Variants in GEMIN5 observed in about 807,000 individuals in gnomAD.
The protein encoded by GEMIN5 is gem nuclear organelle associated protein 5, also known as gem-associated protein 5.
In GEMIN5, 124 loss-of-function variants were observed where a neutral mutation model predicts 176.9. That is an observed-to-expected ratio of 0.70 (90% CI 0.61 to 0.81). The LOEUF (loss-of-function observed/expected upper bound fraction) is 0.81. GEMIN5 is among the 40% of genes least tolerant of loss of function. The pLI is 0.00. For missense variants in GEMIN5, 1,843 were observed against 1,814.6 expected (o/e 1.02, Z -0.28); for synonymous variants, 673 against 665.2 (o/e 1.01, Z -0.18).
In GEMIN5 at chr5:154,898,680, T is replaced by C. The variant is rs774344017; in HGVS notation, c.3135-30A>G. The C allele has an allele frequency of 2.7e-6, 4 of 1,486,902 alleles. No homozygotes were observed. In the African/African-American group the frequency reaches 5.5e-5, roughly 21 times the overall value. The allele number at this position is 1,486,902 out of a possible 1,614,324, so 92.1% of individuals were successfully genotyped here. ...AATATGAATAAAAATGTGAAGAAAA[T>C]GTCACAAACAGATTTTTATTCCCAT... is the stretch of plus-strand genomic sequence containing the variant. On this transcript the variant is annotated intron_variant, in intron 22 of 27. Transcript: ENST00000285873.
intron 15 of GEMIN5, among the ~76,000 whole-genome samples, chr5:154,910,402 C>T (rs543991285): frequency 2.7e-4 from 41 of 152,292 alleles, no homozygotes; most frequent in African/African-American, 8.9e-4. Context: ...CCTCCTGCCT[C>T]GGCATCCCAA....
chr5:154,935,636 A>G (rs1397040362), intron 3 of GEMIN5, among the ~76,000 whole-genome samples: 2 of 152,234 alleles, frequency 1.3e-5, no homozygotes, highest in African/African-American at 4.8e-5. Context: ...AAGAAAGTAC[A>G]GTACCATGGA....
intron 15 of GEMIN5, among the ~76,000 whole-genome samples, chr5:154,908,608 C>T (rs4958393): frequency 0.98 from 149,814 of 152,344 alleles, 73,672 homozygotes; most frequent in African/African-American, 0.99. Context: ...CTTTCATAAT[C>T]TGAAACTTCT....
chr5:154,916,814 A>AT (rs60467186), intron 13 of GEMIN5, among the ~76,000 whole-genome samples, 184 bp downstream of exon 13: 1,565 of 152,254 alleles, frequency 0.01, 33 homozygotes, highest in African/African-American at 0.036. Flanking sequence ...TTCTGTTACC[A>AT]TTTTTGTCAT....
At chr5:154,895,274 G>C (rs1220147073) in intron 24 of GEMIN5, among the ~76,000 whole-genome samples, 4 of 151,146 alleles carry the variant, frequency 2.6e-5, no homozygotes, top group East Asian at 1.9e-4. Flanking sequence ...GGCTGAGGCG[G>C]GAGGATCACT....
At chr5:154,911,191 G>T (rs11167705) in intron 15 of GEMIN5, among the ~76,000 whole-genome samples, 53,195 of 151,938 alleles carry the variant, frequency 0.35, 10,554 homozygotes, top group East Asian at 0.88. Context: ...AGAAGCCATG[G>T]ACATTTTTAG....
rs959066544 is a variant in GEMIN5 at position 154,910,321 on chromosome 5, A to C, written c.2167+1406T>G. 2.0e-4 allele frequency among the ~76,000 whole-genome samples: 30 copies of C among 152,114 alleles called. 2 individuals are homozygous for C. Among genetic ancestry groups the C allele is most frequent in the Admixed American group, 1.6e-3 (24 of 15,272 alleles). On this transcript the variant is annotated intron_variant, in intron 15 of 27. Coordinates refer to ENST00000285873, the MANE Select transcript of GEMIN5 (RefSeq NM_015465.5). ...TATTCTTTCATTTAAAATAAAAAAAAAACTTATTTCACAGAGACAGTGTCC... is the reference window on the plus strand; with the variant it reads ...TATTCTTTCATTTAAAATAAAAAAACAACTTATTTCACAGAGACAGTGTCC...
In GEMIN5 at chr5:154,891,760, A is replaced by G; in HGVS notation, c.3761-18T>C. 1 of 1,559,182 alleles carries G rather than the reference A, an allele frequency of 6.4e-7. No homozygotes were observed. Among genetic ancestry groups the G allele is most frequent in the Non-Finnish European group, 8.6e-7 (1 of 1,160,456 alleles). ...GTCACAGCCTAGGAAAAGAGGAAAA[A>G]GATACTGGGTCATGCATTTCTCTAG... On this transcript the variant is annotated intron_variant, in intron 25 of 27. Transcript: ENST00000285873.
rs1435353410 is a variant in GEMIN5 at position 154,911,874 on chromosome 5, G to A, written c.2020C>T (p.Pro674Ser). 5.6e-6 allele frequency: 9 copies of A among 1,614,014 alleles called. No homozygotes were observed. Among genetic ancestry groups the A allele is most frequent in the Non-Finnish European group, 7.6e-6 (9 of 1,179,962 alleles). Reference protein sequence around the residue: ...AQVWDALREEPLCNFRGHRGR... With the variant: ...AQVWDALREESLCNFRGHRGR... ...CGATGTCCTCGGAAATTGCACAGGG[G>A]CTCTTCCCGGAGAGCATCCCACACC... The change falls in exon 15 of 28, where the codon CCC (proline) becomes TCC (serine). Residue 674 changes from proline (P) to serine (S), a missense_variant. Coordinates refer to ENST00000285873, the MANE Select transcript of GEMIN5 (RefSeq NM_015465.5).
rs531042352 is a variant in GEMIN5 at position 154,935,375 on chromosome 5, G to C, written c.509+466C>G. Among the ~76,000 whole-genome samples the C allele has an allele frequency of 3.3e-5, 5 of 152,314 alleles. No homozygotes were observed. In the South Asian group the frequency reaches 8.3e-4, roughly 25 times the overall value. ...TCTTTCAGTGAGAAGTACATGAAAT[G>C]GTGAAAGAAACGGGGATGTATATTC... is the stretch of plus-strand genomic sequence containing the variant. On this transcript the variant is annotated intron_variant, in intron 3 of 27. Coordinates refer to ENST00000285873, the MANE Select transcript of GEMIN5 (RefSeq NM_015465.5).
At chr5:154,918,112 A>G (rs1763849823) in intron 11 of GEMIN5, 108 bp from the exon 12 acceptor site, 1 of 675,708 alleles carries the variant, frequency 1.5e-6, no homozygotes, top group Non-Finnish European at 2.7e-6. Context: ...TAATTATACA[A>G]CAGCTATTCT....
At chr5:154,901,772 C>T (rs1763469642) in intron 20 of GEMIN5, among the ~76,000 whole-genome samples, 1 of 137,530 alleles carries the variant, frequency 7.3e-6, no homozygotes, top group African/African-American at 2.7e-5. Context: ...CCAAAGGTAA[C>T]ATGACTACGT....
intron 1 of GEMIN5, among the ~76,000 whole-genome samples, chr5:154,937,759 A>G (rs1302713776): frequency 6.6e-6 from 1 of 152,210 alleles, no homozygotes; most frequent in Non-Finnish European, 1.5e-5. Flanking sequence ...CCCACGTGGA[A>G]GCTCCAGGAG....
At chr5:154,918,738 C>T (rs950577127) in intron 11 of GEMIN5, among the ~76,000 whole-genome samples, 1 of 152,080 alleles carries the variant, frequency 6.6e-6, no homozygotes, top group African/African-American at 2.4e-5. Flanking sequence ...AAGTAATGAG[C>T]AATAATATAA....
At position 154,890,121 on chromosome 5, in the gene GEMIN5, T is replaced by C. The variant is rs559676045; in HGVS notation, c.4263-704A>G. On this transcript the variant is annotated intron_variant, in intron 26 of 27. Coordinates refer to ENST00000285873, the MANE Select transcript of GEMIN5 (RefSeq NM_015465.5). Reference sequence around the variant, plus strand: ...GGGTTCCAATGTCTCTGCATCCTCCTCAACACTTGTTCTGTTTCTCTGATA... The same window carrying C: ...GGGTTCCAATGTCTCTGCATCCTCCCCAACACTTGTTCTGTTTCTCTGATA... 2.0e-5 allele frequency among the ~76,000 whole-genome samples: 3 copies of C among 152,330 alleles called. No homozygotes were observed. In the South Asian group the frequency reaches 6.2e-4, roughly 32 times the overall value.
rs371567565 is a variant in GEMIN5 at position 154,907,661 on chromosome 5, A to G, written c.2325T>C (p.Asn775=). 32 of 1,613,992 alleles carry G rather than the reference A, an allele frequency of 2.0e-5. No individual in the cohort carries two copies. The East Asian group carries it at 5.8e-4, about 29-fold the overall frequency. Residue 775 remains asparagine (N), a synonymous_variant, in exon 16 of 28, where the codon AAT becomes AAC. Transcript: ENST00000285873. ...CCTCCCCTTCTTGGTCTGACACACC[A>G]TTCTCAACAGGTCCTGAGTTCTCCT... is the stretch of plus-strand genomic sequence containing the variant. ...SMKENSGPVE[N]GVSDQEGEEQ...
intron 24 of GEMIN5, among the ~76,000 whole-genome samples, chr5:154,894,094 G>A (rs1273648020): frequency 6.6e-6 from 1 of 151,982 alleles, no homozygotes; most frequent in East Asian, 1.9e-4. Flanking sequence ...ACAGGCTTGT[G>A]CTACCACACC....
At chr5:154,927,312 G>A in intron 7 of GEMIN5, 73 bp downstream of exon 7, 2 of 954,420 alleles carry the variant, frequency 2.1e-6, no homozygotes, top group South Asian at 1.5e-5. Flanking sequence ...CAGGTGCTTT[G>A]AAAAAGCCCT....
At chr5:154,901,510 T>C in intron 20 of GEMIN5, 24 bp from the exon 21 acceptor site, 2 of 1,610,722 alleles carry the variant, frequency 1.2e-6, no homozygotes, top group Non-Finnish European at 1.7e-6. Flanking sequence ...AGATGGTGGT[T>C]AAAAAAACAG....
Sources: allele counts gnomAD v4.1 joint callset (sites outside exome capture counted in the v4.1 genomes callset), GRCh38; gene constraint gnomAD v4.1.1; transcripts MANE v1.5; gene names NCBI Gene and HGNC (gene_info 2026-07-23, HGNC 2026-07-21).